The following MIA3 variants were observed in gnomAD, a reference collection of about 807,000 sequenced individuals.
MIA3 encodes MIA SH3 domain ER export factor 3.
Under a neutral mutation model 192.4 loss-of-function variants are expected in MIA3, and 90 were observed. The observed-to-expected ratio is 0.47, with a 90% CI of 0.39 to 0.56. The LOEUF (loss-of-function observed/expected upper bound fraction) is 0.56. MIA3 is among the 20% of genes least tolerant of loss of function. MIA3 has a pLI of 0.00. For missense variants in MIA3, 2,123 were observed against 2,269.4 expected, an observed-to-expected ratio of 0.94 and a Z score of 1.31; for synonymous variants, 740 against 792.8, an observed-to-expected ratio of 0.93 and a Z score of 1.12.
At position 222,627,838 on chromosome 1, in the gene MIA3, T is replaced by G. The variant is rs1662190642; in HGVS notation, c.618T>G (p.Thr206=). 6.2e-7 allele frequency: 1 copy of G among 1,613,886 alleles called. No homozygotes were observed. The highest frequency in any genetic ancestry group is 2.2e-5 in the East Asian group (1 of 44,886). ...AGGATCTTCAGGAACAGTTTACAAC[T>G]CAGAAGCACCACTCCCATGCAAACA... ...NTEDLQEQFT[T]QKHHSHANSQ... is the part of the protein sequence containing the mutation. Residue 206 remains threonine (T), a synonymous_variant, in exon 4 of 28, where the codon ACT becomes ACG. Coordinates refer to ENST00000344922, the MANE Select transcript of MIA3 (RefSeq NM_198551.4).
At chr1:222,661,152 G>A (rs1663989177) in intron 24 of MIA3, 2 of 152,520 alleles carry the variant, frequency 1.3e-5, no homozygotes, top group Non-Finnish European at 1.5e-5. Context: ...TATTTTTCAT[G>A]TTTAGTGCAA....
In MIA3 at chr1:222,618,170, G is replaced by T; in HGVS notation, c.60G>T (p.Val20=). 2.7e-6 allele frequency: 4 copies of T among 1,504,684 alleles called. No individual in the cohort carries two copies. Among genetic ancestry groups the T allele is most frequent in the Non-Finnish European group, 3.6e-6 (4 of 1,126,474 alleles). 93.2% of individuals were successfully genotyped at this position (1,504,684 alleles called of 1,614,324 possible). ...TCGTGCTCCGGCTGCCCTGGCGGGTGCCGGGCCAGCTGGACCCCAGCACTG... is the reference window on the plus strand; with the variant it reads ...TCGTGCTCCGGCTGCCCTGGCGGGTTCCGGGCCAGCTGGACCCCAGCACTG... ...WLLVLRLPWR[V]PGQLDPSTGR... The change falls in exon 1 of 28, where the codon GTG becomes GTT. Residue 20 remains valine (V), a synonymous_variant. Coordinates refer to ENST00000344922, the MANE Select transcript of MIA3 (RefSeq NM_198551.4).
chr1:222,652,324 A>G lies in MIA3; in HGVS notation c.4078A>G (p.Lys1360Glu). 6.2e-7 allele frequency: 1 copy of G among 1,611,652 alleles called. No individual in the cohort carries two copies. Among genetic ancestry groups the G allele is most frequent in the Non-Finnish European group, 8.5e-7 (1 of 1,177,828 alleles). ...QEENARLKKK[K>E]EQLQQEIEDW... ...AGAAAATGCTAGGCTTAAGAAGAAAAAAGAGCAGGTAAAGGAAAGTGCGTG... is the reference window on the plus strand; with the variant it reads ...AGAAAATGCTAGGCTTAAGAAGAAAGAAGAGCAGGTAAAGGAAAGTGCGTG... Residue 1360 changes from lysine to glutamate, a missense_variant, in exon 13 of 28, where the codon AAA becomes GAA. Physicochemically the swap from Lys to Glu is moderately conservative, Grantham distance 56. Around this residue, in one of 3 missense-constraint regions of MIA3, gnomAD observed 762 missense variants for 856.4 expected, o/e 0.89. Coordinates refer to ENST00000344922, the MANE Select transcript of MIA3 (RefSeq NM_198551.4).
rs1350779503 is a variant in MIA3, at chr1:222,633,225, A to G, written c.3453A>G (p.Ser1151=). The change falls in exon 6 of 28, where the codon TCA becomes TCG. Residue 1151 remains serine (S), a synonymous_variant. Transcript: ENST00000344922. ...AAAACGCAATCCTTCTAATATATTC[A>G]TTCATGTTTTATTTAACTAAGTCGG... ...PLENAILLIY[S]FMFYLTKSLV... 1.2e-6 allele frequency: 2 copies of G among 1,607,438 alleles called. No individual in the cohort carries two copies. Among genetic ancestry groups the G allele is most frequent in the East Asian group, 2.2e-5 (1 of 44,880 alleles).
chr1:222,650,607 G>T, intron 9 of MIA3, 27 bp from the exon 10 acceptor site: 1 of 1,454,492 alleles, frequency 6.9e-7, no homozygotes, highest in Non-Finnish European at 9.5e-7. Context: ...TTATATTTCT[G>T]GATTCTGAAT....
At chr1:222,662,517 G>A in intron 26 of MIA3, 185 bp downstream of exon 26, 2 of 1,399,320 alleles carry the variant, frequency 1.4e-6, no homozygotes, top group Non-Finnish European at 1.9e-6. Flanking sequence ...CTTTGGCTGA[G>A]CGTCCAGTAG....
At position 222,622,955 on chromosome 1, in the gene MIA3, C is replaced by T. The variant is rs79597500; in HGVS notation, c.267+1663C>T. 9.0e-3 allele frequency among the ~76,000 whole-genome samples: 1,378 copies of T among 152,300 alleles called. 19 individuals carry two copies. The highest frequency in any genetic ancestry group is 0.032 in the African/African-American group (1,311 of 41,546). ...GATTGTTTAGGTGGCACTTTGTTTG[C>T]ACTGTTCATGTGGCATTTGCTTTAC... is the stretch of plus-strand genomic sequence containing the variant. On this transcript the variant is annotated intron_variant, in intron 2 of 27. Transcript: ENST00000344922.
chr1:222,625,154 C>T (rs1008592734), intron 3 of MIA3, among the ~76,000 whole-genome samples: 3 of 151,860 alleles, frequency 2.0e-5, no homozygotes, highest in Non-Finnish European at 2.9e-5. Flanking sequence ...GGACTATAGG[C>T]GCCCACCACC....
chr1:222,652,942 A>C (rs1301824782), intron 13 of MIA3, 66 bp from the exon 14 acceptor site: 16 of 1,534,092 alleles, frequency 1.0e-5, no homozygotes, highest in Admixed American at 5.8e-5. Flanking sequence ...TGTCTCATTC[A>C]TGTGGTCCTA....
At position 222,632,193 on chromosome 1, in the gene MIA3, C is replaced by T. The variant is rs61738961; in HGVS notation, c.3198C>T (p.Phe1066=). ...TGCAACCACTGCATGAAGATAATTT[C>T]TCACGAGAGAAGACAGCAGAACTTA... The part of the protein sequence containing the change: ...EEMQPLHEDN[F]SREKTAELNV... Residue 1066 remains phenylalanine (F), a synonymous_variant, in exon 5 of 28, where the codon TTC becomes TTT. Transcript: ENST00000344922. 202 of 1,614,138 alleles carry T rather than the reference C, an allele frequency of 1.3e-4. No homozygotes were observed. In the African/African-American group the frequency reaches 2.4e-3, roughly 19 times the overall value.
intron 3 of MIA3, among the ~76,000 whole-genome samples, chr1:222,625,882 G>A (rs150456939): frequency 1.2e-3 from 176 of 152,202 alleles, no homozygotes; most frequent in South Asian, 3.7e-3. Context: ...GATTACAGGC[G>A]CCTGCCACCA....
intron 27 of MIA3, among the ~76,000 whole-genome samples, chr1:222,664,671 A>C (rs1235775670): frequency 6.6e-6 from 1 of 152,196 alleles, no homozygotes; most frequent in Non-Finnish European, 1.5e-5. Context: ...GAATTTAATT[A>C]GATGGAGCTG....
chr1:222,633,276 C>T (rs1382726637), intron 6 of MIA3, 27 bp downstream of exon 6: 2 of 1,543,730 alleles, frequency 1.3e-6, no homozygotes, highest in East Asian at 4.5e-5. Context: ...TTTTTTTTAA[C>T]TAAAATGTTG....
chr1:222,648,216 C>T (rs186146799), intron 7 of MIA3, among the ~76,000 whole-genome samples: 154 of 152,254 alleles, frequency 1.0e-3, no homozygotes, highest in African/African-American at 3.3e-3. Context: ...GTCTTCTCTT[C>T]CCTGTCAGGT....
chr1:222,643,128 C>T (rs1432332502), intron 6 of MIA3, among the ~76,000 whole-genome samples: 1 of 151,700 alleles, frequency 6.6e-6, no homozygotes, highest in Non-Finnish European at 1.5e-5. Context: ...TGCCCACTCA[C>T]ATAATACATA....
In MIA3 at chr1:222,628,100, A is replaced by C. The variant is rs749753678; in HGVS notation, c.880A>C (p.Arg294=). ...DALVSDDETT[R]LVTSLEDDFD... is the part of the protein sequence containing the mutation. Reference sequence around the variant, plus strand: ...ACTTGTATCTGATGATGAGACAACCAGACTCGTTACTTCATTAGAAGATGA... The same window carrying C: ...ACTTGTATCTGATGATGAGACAACCCGACTCGTTACTTCATTAGAAGATGA... Residue 294 remains arginine, a synonymous_variant, in exon 4 of 28, where the codon AGA becomes CGA. Transcript: ENST00000344922. 4.3e-6 allele frequency: 7 copies of C among 1,613,978 alleles called. No homozygotes were observed. Among genetic ancestry groups the C allele is most frequent in the Admixed American group, 1.7e-5 (1 of 60,012 alleles).
intron 6 of MIA3, chr1:222,641,633 C>A: frequency 1.9e-6 from 1 of 532,140 alleles, no homozygotes; most frequent in Non-Finnish European, 3.8e-6. Flanking sequence ...ACATGTTCCA[C>A]ATCATGCAGC....
intron 3 of MIA3, among the ~76,000 whole-genome samples, chr1:222,625,296 C>T (rs184260496): frequency 1.2e-4 from 19 of 152,342 alleles, no homozygotes; most frequent in Non-Finnish European, 1.8e-4. Context: ...TGAGCCACTG[C>T]GCCCGGCCAA....
Position 222,664,077 on chromosome 1 carries a change from C to T in MIA3, c.5342C>T (p.Pro1781Leu). 1 of 1,614,180 alleles carries T rather than the reference C, an allele frequency of 6.2e-7. No homozygotes were observed. Among genetic ancestry groups the T allele is most frequent in the Non-Finnish European group, 8.5e-7 (1 of 1,180,002 alleles). ...ACCCCCATGGGAGGCCCTGTACCACCACCCATTCGATATGGACCACCACCT... is the reference window on the plus strand; with the variant it reads ...ACCCCCATGGGAGGCCCTGTACCACTACCCATTCGATATGGACCACCACCT... Reference protein sequence around the residue: ...MSTPMGGPVPPPIRYGPPPQL... With the variant: ...MSTPMGGPVPLPIRYGPPPQL... The change falls in exon 27 of 28, where the codon CCA becomes CTA. Residue 1781 changes from proline to leucine, a missense_variant. Pro to Leu is a moderately conservative substitution (Grantham distance 98). This residue lies in a region of MIA3 where 762 missense variants were observed against 856.4 expected (regional missense o/e 0.89). Coordinates refer to ENST00000344922, the MANE Select transcript of MIA3 (RefSeq NM_198551.4).
Sources: allele counts gnomAD v4.1 joint callset (sites outside exome capture counted in the v4.1 genomes callset), GRCh38; gene constraint gnomAD v4.1.1; regional missense constraint gnomAD v4.1.1; transcripts MANE v1.5; gene names NCBI Gene and HGNC (gene_info 2026-07-23, HGNC 2026-07-21).